The following ADGRL3 variants were observed in gnomAD, a reference collection of about 807,000 sequenced individuals.
The protein encoded by ADGRL3 is calcium-independent alpha-latrotoxin receptor 3.
Under a neutral mutation model 153.5 loss-of-function variants are expected in ADGRL3, and 62 were observed. The observed-to-expected ratio is 0.40, with a 90% CI of 0.33 to 0.50. The LOEUF (loss-of-function observed/expected upper bound fraction) is 0.50. Ranked by LOEUF, ADGRL3 falls within the 20% of genes least tolerant of loss-of-function variation. The probability of loss-of-function intolerance (pLI) is 0.47; values close to 1 mark genes in which losing one functional copy is unlikely to be tolerated. For missense variants in ADGRL3, 1,641 were observed against 1,859.4 expected (o/e 0.88, Z 2.16); for synonymous variants, 710 against 672.5 (o/e 1.06, Z -0.86).
At chr4:61,821,080 T>C (rs1049270785) in intron 9 of ADGRL3, among the ~76,000 whole-genome samples, 2 of 151,970 alleles carry the variant, frequency 1.3e-5, no homozygotes, top group Non-Finnish European at 2.9e-5. Context: ...TGTTTCATTG[T>C]TTTCCTGTAC....
intron 23 of ADGRL3, among the ~76,000 whole-genome samples, chr4:62,036,399 C>T (rs1725015081): frequency 1.3e-5 from 2 of 152,062 alleles, no homozygotes; most frequent in Admixed American, 1.3e-4. Flanking sequence ...TTCCCGCAGG[C>T]ACTCCTCTTC....
intron 2 of ADGRL3, among the ~76,000 whole-genome samples, chr4:61,473,927 A>C (rs139190898): frequency 6.6e-6 from 1 of 152,084 alleles, no homozygotes; most frequent in East Asian, 1.9e-4. Context: ...CTAGGAGTGG[A>C]TATACACCTG....
chr4:62,070,265 A>G lies in ADGRL3; in HGVS notation c.3989A>G (p.Glu1330Gly). 6.2e-7 allele frequency: 1 copy of G among 1,604,076 alleles called. No individual in the cohort carries two copies. Among genetic ancestry groups the G allele is most frequent in the Non-Finnish European group, 8.5e-7 (1 of 1,174,266 alleles). ...TATAACCATAACGAGACCGCCCTAG[A>G]GAAAAAGATTCTGAAGGAACTCACT... ...RGYNHNETAL[E>G]KKILKELTSN... The change falls in exon 27 of 27, where the codon GAG becomes GGG. Residue 1330 changes from glutamate (E) to glycine (G), a missense_variant. By Grantham distance (98) the Glu-to-Gly change is moderately conservative. This residue lies in a region of ADGRL3 where 517 missense variants were observed against 555.0 expected (regional missense o/e 0.93). Transcript: ENST00000683033.
chr4:61,869,936 TAAAAAAAA>T (rs1190618911), intron 9 of ADGRL3, among the ~76,000 whole-genome samples: 51 of 10,504 alleles, frequency 4.9e-3, no homozygotes, highest in African/African-American at 9.9e-3. Context: ...AAAACTTTGT[TAAAAAAAA>T]AAAAAAAAAA....
chr4:61,873,043 C>T (rs1270216029), intron 9 of ADGRL3, among the ~76,000 whole-genome samples: 1 of 152,182 alleles, frequency 6.6e-6, no homozygotes, highest in African/African-American at 2.4e-5. Flanking sequence ...GAAGATAAAA[C>T]TTGTTTCAAA....
intron 2 of ADGRL3, among the ~76,000 whole-genome samples, chr4:61,443,981 G>A (rs534201871): frequency 6.6e-6 from 1 of 151,708 alleles, no homozygotes; most frequent in East Asian, 1.9e-4. Context: ...ATCAGTGTGT[G>A]CCTGAATCAG....
intron 23 of ADGRL3, among the ~76,000 whole-genome samples, chr4:62,034,400 A>T (rs958603190): frequency 6.6e-6 from 1 of 151,550 alleles, no homozygotes; most frequent in Non-Finnish European, 1.5e-5. Flanking sequence ...TTACAATAAC[A>T]AGTAATACAT....
intron 2 of ADGRL3, among the ~76,000 whole-genome samples, chr4:61,473,321 C>T (rs2097992942): frequency 6.6e-6 from 1 of 151,680 alleles, no homozygotes; most frequent in Non-Finnish European, 1.5e-5. Flanking sequence ...AAAAAGCCCT[C>T]GTGTTATTCA....
chr4:61,269,590 C>CT (rs1260599989), intron 1 of ADGRL3, among the ~76,000 whole-genome samples: 1 of 151,626 alleles, frequency 6.6e-6, no homozygotes, highest in Admixed American at 6.6e-5. Flanking sequence ...ATAAAAAACT[C>CT]TATTTTGCTT....
intron 1 of ADGRL3, among the ~76,000 whole-genome samples, chr4:61,332,797 C>G (rs1158202997): frequency 5.3e-5 from 8 of 152,062 alleles, no homozygotes; most frequent in Admixed American, 5.2e-4. Context: ...GCCGTCATCT[C>G]AAGCTTGCAT....
intron 8 of ADGRL3, among the ~76,000 whole-genome samples, chr4:61,755,049 T>C (rs919891217): frequency 2.6e-5 from 4 of 152,222 alleles, no homozygotes; most frequent in African/African-American, 9.7e-5. Context: ...TCCAAGTCTT[T>C]GCTATTGTGA....
chr4:62,063,678 T>C, intron 25 of ADGRL3: 1 of 622,570 alleles, frequency 1.6e-6, no homozygotes, highest in South Asian at 1.9e-5. Context: ...GAGTCCCATT[T>C]TATGTAGGTT....
At chr4:61,247,798 AT>A (rs1418222073) in intron 1 of ADGRL3, among the ~76,000 whole-genome samples, 4 of 152,064 alleles carry the variant, frequency 2.6e-5, no homozygotes, top group Non-Finnish European at 4.4e-5. Flanking sequence ...ACTCAAAGGT[AT>A]CAATAATAAT....
chr4:61,369,134 G>C (rs1334108341), intron 1 of ADGRL3, among the ~76,000 whole-genome samples: 2 of 152,134 alleles, frequency 1.3e-5, no homozygotes, highest in Admixed American at 6.5e-5. Context: ...TTTGGGCTGA[G>C]ACAATGGGGT....
At chr4:61,298,278 A>T (rs2094475866) in intron 1 of ADGRL3, among the ~76,000 whole-genome samples, 1 of 152,126 alleles carries the variant, frequency 6.6e-6, no homozygotes, top group South Asian at 2.1e-4. Context: ...TGAGAATATC[A>T]TAGTAATATT....
chr4:61,232,706 G>A (rs192474366), intron 1 of ADGRL3, among the ~76,000 whole-genome samples: 44 of 152,222 alleles, frequency 2.9e-4, no homozygotes, highest in African/African-American at 1.1e-3. Context: ...TTGTTACAAG[G>A]ATTAAGACAT....
intron 4 of ADGRL3, among the ~76,000 whole-genome samples, chr4:61,566,961 A>T (rs2098818900): frequency 6.6e-6 from 1 of 152,214 alleles, no homozygotes; most frequent in African/African-American, 2.4e-5. Flanking sequence ...CCAAGCTTTA[A>T]GAACATTATT....
chr4:61,746,029 G>T (rs186008648), intron 8 of ADGRL3, among the ~76,000 whole-genome samples: 1 of 151,380 alleles, frequency 6.6e-6, no homozygotes, highest in African/African-American at 2.4e-5. Context: ...CAAACAAATG[G>T]AAAACAAAAA....
At chr4:61,533,768 T>G (rs1225388500) in intron 4 of ADGRL3, among the ~76,000 whole-genome samples, 1 of 152,142 alleles carries the variant, frequency 6.6e-6, no homozygotes, top group East Asian at 1.9e-4. Flanking sequence ...TCCTAATAAA[T>G]AACTTATTAC....
Sources: allele counts gnomAD v4.1 joint callset (sites outside exome capture counted in the v4.1 genomes callset), GRCh38; gene constraint gnomAD v4.1.1; regional missense constraint gnomAD v4.1.1; transcripts MANE v1.5; gene names NCBI Gene and HGNC (gene_info 2026-07-23, HGNC 2026-07-21).